The following TUT4 variants were observed in gnomAD, a reference collection of about 807,000 sequenced individuals.
TUT4 encodes the protein terminal uridylyltransferase 4.
Under a neutral mutation model 192.2 loss-of-function variants are expected in TUT4, and 36 were observed. The observed-to-expected ratio is 0.19, with a 90% CI of 0.14 to 0.25. TUT4 has a LOEUF of 0.25. TUT4 is among the 10% of genes least tolerant of loss of function. The probability of loss-of-function intolerance (pLI) is 1.00; values close to 1 mark genes in which losing one functional copy is unlikely to be tolerated. For synonymous variants in TUT4, 618 were observed against 666.0 expected, an observed-to-expected ratio of 0.93 and a Z score of 1.11; for missense variants, 1,493 against 1,957.2, an observed-to-expected ratio of 0.76 and a Z score of 4.47.
chr1:52,434,469 C>T (rs138700455), intron 27 of TUT4: 44 of 152,222 alleles, frequency 2.9e-4, no homozygotes, highest in African/African-American at 1.0e-3. Context: ...TATTTAGAGT[C>T]ATTATTAATT....
intron 20 of TUT4, among the ~76,000 whole-genome samples, chr1:52,454,434 T>A (rs1660303997): frequency 6.6e-6 from 1 of 152,152 alleles, no homozygotes. Flanking sequence ...ATAAATATAG[T>A]CAACTGATCC....
At chr1:52,496,615 G>A (rs1672506842) in intron 5 of TUT4, among the ~76,000 whole-genome samples, 1 of 151,798 alleles carries the variant, frequency 6.6e-6, no homozygotes, top group Admixed American at 6.6e-5. Context: ...TTTTCTAAAG[G>A]CCCTATTAAA....
intron 20 of TUT4, among the ~76,000 whole-genome samples, chr1:52,454,686 G>C (rs974613190): frequency 6.6e-6 from 1 of 152,190 alleles, no homozygotes; most frequent in South Asian, 2.1e-4. Flanking sequence ...AACACCAAAG[G>C]CAAGAGCTAT....
chr1:52,441,895 G>A (rs990584227), intron 24 of TUT4, among the ~76,000 whole-genome samples: 1 of 152,010 alleles, frequency 6.6e-6, no homozygotes, highest in South Asian at 2.1e-4. Context: ...ATGGCCAGGC[G>A]AGGTGGCTCA....
chr1:52,525,673 T>A lies in TUT4; in HGVS notation c.608A>T (p.Lys203Ile). 6.2e-7 allele frequency: 1 copy of A among 1,614,122 alleles called. No individual in the cohort carries two copies. Among genetic ancestry groups the A allele is most frequent in the Non-Finnish European group, 8.5e-7 (1 of 1,180,026 alleles). The change falls in exon 2 of 30, where the codon AAA (lysine) becomes ATA (isoleucine). Residue 203 changes from lysine (K) to isoleucine (I), a missense_variant. Coordinates refer to ENST00000257177, the MANE Select transcript of TUT4 (RefSeq NM_001009881.3). ...TCGTGGTGAGTTTTGCAGAGCACAT[T>A]TTTCTCCCCCTACAGCTTCAATATT... ...KVNIEAVGGE[K>I]CALQNSPRSQ...
chr1:52,495,537 A>G (rs1672234283), intron 5 of TUT4, 22 bp from the exon 6 acceptor site: 1 of 1,562,800 alleles, frequency 6.4e-7, no homozygotes, highest in Non-Finnish European at 8.7e-7. Context: ...GAAAAACATC[A>G]AAGCATGAAA....
In TUT4 at chr1:52,465,124, A is replaced by G. The variant is rs1663748118; in HGVS notation, c.3015T>C (p.Phe1005=). 7 of 1,613,872 alleles carry G rather than the reference A, an allele frequency of 4.3e-6. No individual in the cohort carries two copies. The highest frequency in any genetic ancestry group is 5.9e-6 in the Non-Finnish European group (7 of 1,179,894). ...LFGSSKNGFG[F]RDSDLDICMT... ...TACAAATATCCAGATCACTATCACG[A>G]AATCCAAATCCATTCTTAGAAGAGC... The change falls in exon 16 of 30, where the codon TTT becomes TTC. Residue 1005 remains phenylalanine (F), a synonymous_variant. Transcript: ENST00000257177.
chr1:52,438,212 T>G lies in TUT4; in HGVS notation c.3938+8A>C, dbSNP rs1654419537. 1 of 1,602,948 alleles carries G rather than the reference T, an allele frequency of 6.2e-7. No homozygotes were observed. The highest frequency in any genetic ancestry group is 1.3e-5 in the African/African-American group (1 of 74,586). On this transcript the variant is annotated splice_region_variant and intron_variant, in intron 25 of 29. Coordinates refer to ENST00000257177, the MANE Select transcript of TUT4 (RefSeq NM_001009881.3). The stretch of plus-strand genomic sequence containing the variant: ...CCTCAAAATGTTGATATATATTCAT[T>G]TGCCAACCTTTTCCTTTTAGGGCAG...
chr1:52,501,375 G>A (rs1439649289), intron 4 of TUT4, among the ~76,000 whole-genome samples: 9 of 147,306 alleles, frequency 6.1e-5, no homozygotes, highest in Non-Finnish European at 1.3e-4. Flanking sequence ...CTAATCATTA[G>A]AGAAATGCAA....
At chr1:52,510,289 T>C (rs1676763059) in intron 3 of TUT4, among the ~76,000 whole-genome samples, 2 of 126,380 alleles carry the variant, frequency 1.6e-5, no homozygotes, top group East Asian at 2.2e-4. Context: ...CACTCAAGCC[T>C]GGGCAACAGA....
intron 1 of TUT4, among the ~76,000 whole-genome samples, chr1:52,534,217 T>C (rs1271139562): frequency 6.6e-6 from 1 of 152,118 alleles, no homozygotes; most frequent in East Asian, 1.9e-4. Context: ...TTTACAGGTG[T>C]AAGGCTCACA....
intron 11 of TUT4, 112 bp downstream of exon 11, chr1:52,481,311 G>A (rs1668422430): frequency 1.8e-6 from 2 of 1,122,358 alleles, no homozygotes; most frequent in South Asian, 2.9e-5. Context: ...AGGAAAATGA[G>A]GCCAAGAGGC....
chr1:52,540,733 C>T lies in TUT4; in HGVS notation c.-94+12198G>A, dbSNP rs548159384. On this transcript the variant is annotated intron_variant, in intron 1 of 29. Transcript: ENST00000257177. ...AGAAACATGACTCCCAATTTTTGGT[C>T]CAAGTTTATGTACTAGAGTATGTCT... Among the ~76,000 whole-genome samples, 3 of 152,128 alleles carry T rather than the reference C, an allele frequency of 2.0e-5. No individual in the cohort carries two copies. In the East Asian group the frequency reaches 5.8e-4, roughly 29 times the overall value.
At chr1:52,515,633 A>T (rs1329066050) in intron 3 of TUT4, 2 of 559,730 alleles carry the variant, frequency 3.6e-6, no homozygotes, top group East Asian at 2.8e-5. Context: ...CCATTCAAAA[A>T]CAAAAGCAAG....
Position 52,461,169 on chromosome 1 carries a change from G to A in TUT4, c.3286C>T (p.Gln1096Ter). 1 of 1,604,424 alleles carries A rather than the reference G, an allele frequency of 6.2e-7. No homozygotes were observed. Among genetic ancestry groups the A allele is most frequent in the Non-Finnish European group, 8.5e-7 (1 of 1,174,690 alleles). Residue 1096 changes from glutamine to a stop codon, truncating the protein, a stop_gained, in exon 19 of 30, where the codon CAG becomes TAG. Transcript: ENST00000257177. LOFTEE classifies it high-confidence loss of function. ...ATYAAIDPRV[Q>*]YLGYTMKVFA... is the part of the protein sequence containing the mutation. ...ACTTTCATAGTATATCCCAAATACTGCACTCTAGGATCAATAGCTGCATAA... is the reference window on the plus strand; with the variant it reads ...ACTTTCATAGTATATCCCAAATACTACACTCTAGGATCAATAGCTGCATAA...
chr1:52,490,915 T>G (rs938572185), intron 7 of TUT4, 114 bp from the exon 8 acceptor site: 1 of 854,918 alleles, frequency 1.2e-6, no homozygotes, highest in African/African-American at 1.7e-5. Context: ...TTCTGTGGGA[T>G]AATCCACTCT....
rs142347249 is a variant in TUT4, at chr1:52,474,871, T to C, written c.2688A>G (p.Leu896=). The change falls in exon 13 of 30, where the codon TTA becomes TTG. Residue 896 remains leucine (L), a synonymous_variant. Coordinates refer to ENST00000257177, the MANE Select transcript of TUT4 (RefSeq NM_001009881.3). ...NDDDNLPTQE[L]YYVFDKFILT... is the part of the protein sequence containing the mutation. ...AAATAAACTTATCAAACACATAATA[T>C]AATTCCTGGGTGGGGAGGTTATCAT... The C allele has an allele frequency of 6.2e-7, 1 of 1,612,176 alleles. No individual in the cohort carries two copies. Among genetic ancestry groups the C allele is most frequent in the South Asian group, 1.1e-5 (1 of 90,848 alleles).
intron 1 of TUT4, among the ~76,000 whole-genome samples, chr1:52,538,893 G>A (rs1167283042): frequency 6.6e-6 from 1 of 152,038 alleles, no homozygotes; most frequent in Non-Finnish European, 1.5e-5. Flanking sequence ...CAGGTAAAGT[G>A]GCTTACACCT....
rs1322016319 is a variant in TUT4, at chr1:52,423,377, GGAAAA to G, written c.*553_*557del. ...GTTTGAATGTTCAATATACAAGTATGGAAAAGAAAAAAAATCTGAATCTTCATGTT... is the reference window on the plus strand; with the variant it reads ...GTTTGAATGTTCAATATACAAGTATGGAAAAAAAATCTGAATCTTCATGTT... On this transcript the variant is annotated 3_prime_UTR_variant, in exon 30 of 30. Coordinates refer to ENST00000257177, the MANE Select transcript of TUT4 (RefSeq NM_001009881.3). 1.3e-5 allele frequency: 2 copies of G among 154,512 alleles called. No individual in the cohort carries two copies. The highest frequency in any genetic ancestry group is 1.3e-4 in the Admixed American group (2 of 15,540). The allele number at this position is 154,512 out of a possible 1,614,324, so 9.6% of individuals were successfully genotyped here. A position where few individuals can be genotyped will look rare whatever the true frequency, so the allele number is the denominator to read the frequency against.
Sources: gnomAD v4.1 joint callset for allele counts (sites outside exome capture counted in the v4.1 genomes callset) on GRCh38, gnomAD v4.1.1 for gene constraint, MANE v1.5 for transcripts, NCBI Gene and HGNC (gene_info 2026-07-23, HGNC 2026-07-21) for gene names.